Variants in FMN1 observed in about 807,000 individuals in gnomAD.
FMN1 encodes the protein formin 1, also known as formin-1.
A neutral mutation model predicts 132.4 loss-of-function variants in FMN1; 110 were observed. The observed-to-expected ratio is 0.83, with a 90% confidence interval of 0.71 to 0.97. The LOEUF is 0.97. Among genes scored for constraint, FMN1 ranks in the 50% least tolerant of loss-of-function variants. FMN1 has a pLI of 0.00. For synonymous variants in FMN1, 722 were observed against 651.7 expected (o/e 1.11, Z -1.64); for missense variants, 1,792 against 1,705.3 (o/e 1.05, Z -0.90).
chr15:32,918,773 A>G (rs1163141260), intron 10 of FMN1, among the ~76,000 whole-genome samples: 1 of 152,164 alleles, frequency 6.6e-6, no homozygotes, highest in African/African-American at 2.4e-5. Context: ...CCAAAATTAC[A>G]TTCCAGGCAG....
chr15:33,120,481 A>AT (rs1344621616), intron 4 of FMN1, among the ~76,000 whole-genome samples: 1 of 152,180 alleles, frequency 6.6e-6, no homozygotes, highest in Admixed American at 6.5e-5. Context: ...GTGCATGTTT[A>AT]TTGGTGGACA....
intron 3 of FMN1, among the ~76,000 whole-genome samples, chr15:33,165,961 G>C (rs1481077788): frequency 6.6e-6 from 1 of 152,144 alleles, no homozygotes; most frequent in Non-Finnish European, 1.5e-5. Flanking sequence ...TATAAACCTA[G>C]TAACATGGAA....
chr15:33,156,424 G>A (rs1485343309), intron 3 of FMN1, among the ~76,000 whole-genome samples: 1 of 151,736 alleles, frequency 6.6e-6, no homozygotes, highest in Admixed American at 6.6e-5. Flanking sequence ...GGGACTACAG[G>A]CACGTGCCAC....
At chr15:33,051,931 C>T (rs947240535) in intron 6 of FMN1, among the ~76,000 whole-genome samples, 3 of 152,202 alleles carry the variant, frequency 2.0e-5, no homozygotes, top group Admixed American at 2.0e-4. Flanking sequence ...GTGTATTTTA[C>T]TTCCTTTTGT....
chr15:32,874,659 G>A (rs555152451), intron 16 of FMN1, among the ~76,000 whole-genome samples: 2 of 152,286 alleles, frequency 1.3e-5, no homozygotes, highest in African/African-American at 4.8e-5. Flanking sequence ...GAAATCAGAA[G>A]TAGGAATAAA....
intron 7 of FMN1, among the ~76,000 whole-genome samples, chr15:32,998,628 G>C (rs1276409401): frequency 6.6e-6 from 1 of 152,168 alleles, no homozygotes; most frequent in Non-Finnish European, 1.5e-5. Flanking sequence ...ATTTCATGAA[G>C]AGTCAAAAGC....
At chr15:32,806,312 T>A (rs2057679076) in intron 17 of FMN1, among the ~76,000 whole-genome samples, 1 of 152,208 alleles carries the variant, frequency 6.6e-6, no homozygotes, top group South Asian at 2.1e-4. Context: ...CTTTGGCAAG[T>A]TAGTTAAGAC....
At chr15:32,914,273 A>T (rs904709870) in intron 10 of FMN1, among the ~76,000 whole-genome samples, 2 of 152,336 alleles carry the variant, frequency 1.3e-5, no homozygotes, top group Admixed American at 6.5e-5. Flanking sequence ...ACACTAATCT[A>T]TTAATCACCA....
At chr15:33,050,342 G>A (rs345747) in intron 6 of FMN1, among the ~76,000 whole-genome samples, 108,076 of 152,032 alleles carry the variant, frequency 0.71, 38,905 homozygotes, top group Non-Finnish European at 0.76. Context: ...CATGAAAGAA[G>A]AGTCATGGCA....
chr15:33,131,755 G>A (rs1461266383), intron 4 of FMN1, among the ~76,000 whole-genome samples: 6 of 152,160 alleles, frequency 3.9e-5, no homozygotes, highest in Admixed American at 1.3e-4. Context: ...GAAAAGTGCA[G>A]TACAAAGGTG....
At chr15:33,168,715 T>C (rs921809443) in intron 3 of FMN1, among the ~76,000 whole-genome samples, 5 of 152,240 alleles carry the variant, frequency 3.3e-5, no homozygotes, top group Admixed American at 6.5e-5. Flanking sequence ...GGACAGTTGG[T>C]ATCTGCTCAA....
chr15:33,091,139 C>T (rs2038887568), intron 4 of FMN1, among the ~76,000 whole-genome samples: 2 of 152,100 alleles, frequency 1.3e-5, no homozygotes, highest in South Asian at 4.1e-4. Flanking sequence ...ATATGTATCA[C>T]AAAACACAAT....
chr15:33,097,243 G>A (rs1278354291), intron 4 of FMN1, among the ~76,000 whole-genome samples: 1 of 151,490 alleles, frequency 6.6e-6, no homozygotes, highest in Non-Finnish European at 1.5e-5. Flanking sequence ...GGTTGAGGCT[G>A]CAGTGAGCCA....
intron 4 of FMN1, among the ~76,000 whole-genome samples, chr15:33,105,497 T>G (rs991383650): frequency 2.0e-5 from 3 of 152,102 alleles, no homozygotes; most frequent in African/African-American, 7.2e-5. Flanking sequence ...TAAACGGTTG[T>G]CTTCACCAAA....
intron 5 of FMN1, among the ~76,000 whole-genome samples, chr15:33,087,594 G>A (rs1243232443): frequency 6.6e-6 from 1 of 152,108 alleles, no homozygotes; most frequent in African/African-American, 2.4e-5. Context: ...GGAAGGCTAT[G>A]TTTTTCTGAA....
At chr15:32,800,878 A>G (rs78227910) in intron 18 of FMN1, among the ~76,000 whole-genome samples, 1,811 of 152,272 alleles carry the variant, frequency 0.012, 36 homozygotes, top group African/African-American at 0.042. Context: ...CACACATAAC[A>G]TGCATTACCC....
intron 7 of FMN1, among the ~76,000 whole-genome samples, chr15:32,972,008 T>G (rs1337639528): frequency 6.6e-6 from 1 of 152,188 alleles, no homozygotes; most frequent in Admixed American, 6.5e-5. Flanking sequence ...ATCGGGCAGT[T>G]AAGTTCACCT....
At chr15:32,859,005 G>A (rs948179002) in intron 16 of FMN1, among the ~76,000 whole-genome samples, 6 of 152,200 alleles carry the variant, frequency 3.9e-5, no homozygotes, top group Non-Finnish European at 5.9e-5. Context: ...TATTTTGCAG[G>A]TGTAACAAAT....
chr15:32,967,018 G>GC (rs1424606153), intron 8 of FMN1, among the ~76,000 whole-genome samples: 1 of 152,212 alleles, frequency 6.6e-6, no homozygotes, highest in Non-Finnish European at 1.5e-5. Flanking sequence ...TAGAGGGGCA[G>GC]CCCCCCGTGT....
Sources: gnomAD v4.1 joint callset for allele counts (sites outside exome capture counted in the v4.1 genomes callset) on GRCh38, gnomAD v4.1.1 for gene constraint, MANE v1.5 for transcripts, NCBI Gene and HGNC (gene_info 2026-07-23, HGNC 2026-07-21) for gene names.